Variants in SPIDR observed in about 807,000 individuals in gnomAD.
SPIDR encodes scaffold protein involved in DNA repair, also known as DNA repair-scaffolding protein.
A neutral mutation model predicts 104.6 loss-of-function variants in SPIDR; 93 were observed. The ratio of observed to expected loss-of-function variants is 0.89; its 90% CI spans 0.75 to 1.06. The LOEUF (loss-of-function observed/expected upper bound fraction) is 1.06. Ranked by LOEUF, SPIDR falls within the 50% of genes least tolerant of loss-of-function variation. SPIDR has a pLI of 0.00. For missense variants in SPIDR, 1,154 were observed against 1,111.2 expected, an observed-to-expected ratio of 1.04 and a Z score of -0.55; for synonymous variants, 431 against 416.9, an observed-to-expected ratio of 1.03 and a Z score of -0.41.
chr8:47,407,289 C>G (rs1165398648), intron 6 of SPIDR, among the ~76,000 whole-genome samples: 1 of 152,014 alleles, frequency 6.6e-6, no homozygotes, highest in Non-Finnish European at 1.5e-5. Context: ...GTGATTGATA[C>G]TCAAATATCT....
chr8:47,470,582 G>A (rs962150024), intron 8 of SPIDR, among the ~76,000 whole-genome samples: 1 of 152,072 alleles, frequency 6.6e-6, no homozygotes, highest in Non-Finnish European at 1.5e-5. Context: ...GCCTGACCAT[G>A]AAGTGAGTTT....
chr8:47,379,973 C>T (rs1401811259), intron 5 of SPIDR, among the ~76,000 whole-genome samples: 1 of 152,226 alleles, frequency 6.6e-6, no homozygotes, highest in East Asian at 1.9e-4. Flanking sequence ...GGACTTCTCT[C>T]TCAATTTCTT....
intron 8 of SPIDR, among the ~76,000 whole-genome samples, chr8:47,572,048 A>C (rs1026218409): frequency 2.0e-5 from 3 of 152,188 alleles, no homozygotes; most frequent in African/African-American, 7.2e-5. Flanking sequence ...GTACCAAGTA[A>C]TCTCTTGTAT....
At chr8:47,592,272 A>G (rs895061453) in intron 8 of SPIDR, 1 of 1,200,570 alleles carries the variant, frequency 8.3e-7, no homozygotes, top group Non-Finnish European at 1.2e-6. Flanking sequence ...GCACATAACA[A>G]GGCCTGGGTT....
intron 5 of SPIDR, among the ~76,000 whole-genome samples, chr8:47,321,961 CTTAAATG>C (rs2046702953): frequency 6.6e-6 from 1 of 152,150 alleles, no homozygotes; most frequent in Non-Finnish European, 1.5e-5. Context: ...GGATTAAAGA[CTTAAATG>C]TTAGACCTGA....
intron 11 of SPIDR, among the ~76,000 whole-genome samples, chr8:47,695,290 A>G (rs1290194250): frequency 6.6e-6 from 1 of 152,170 alleles, no homozygotes; most frequent in African/African-American, 2.4e-5. Flanking sequence ...TTGGAGAGGT[A>G]TGAGTCCTAC....
intron 1 of SPIDR, among the ~76,000 whole-genome samples, chr8:47,277,531 A>AT (rs1352583975): frequency 1.2e-3 from 174 of 139,948 alleles, no homozygotes; most frequent in East Asian, 4.2e-3. Context: ...ACCCCTGCTA[A>AT]TTTTTTTTTT....
At chr8:47,281,042 G>A (rs970842317) in intron 2 of SPIDR, among the ~76,000 whole-genome samples, 76 of 152,302 alleles carry the variant, frequency 5.0e-4, no homozygotes, top group African/African-American at 1.6e-3. Context: ...TTGCAATAAA[G>A]TGATCACATG....
intron 5 of SPIDR, among the ~76,000 whole-genome samples, chr8:47,367,743 T>C (rs2057410446): frequency 6.6e-6 from 1 of 152,176 alleles, no homozygotes. Context: ...CCCGCCCAAG[T>C]CTTGCTCAGT....
intron 5 of SPIDR, among the ~76,000 whole-genome samples, chr8:47,313,595 G>A (rs1036569626): frequency 3.9e-5 from 6 of 152,236 alleles, no homozygotes; most frequent in African/African-American, 1.2e-4. Flanking sequence ...AAAAGAGCCC[G>A]CATTGCCGAG....
intron 8 of SPIDR, among the ~76,000 whole-genome samples, chr8:47,537,866 T>C (rs2087209300): frequency 6.6e-6 from 1 of 152,122 alleles, no homozygotes; most frequent in South Asian, 2.1e-4. Context: ...AAAATTAGTA[T>C]ATTAATTTTT....
At chr8:47,558,019 G>A (rs2091523047) in intron 8 of SPIDR, among the ~76,000 whole-genome samples, 1 of 152,144 alleles carries the variant, frequency 6.6e-6, no homozygotes. Flanking sequence ...GGATGCAGCT[G>A]GAGGCCATTA....
At chr8:47,701,680 T>C (rs2080207600) in intron 12 of SPIDR, 41 bp from the exon 13 acceptor site, 1 of 1,594,592 alleles carries the variant, frequency 6.3e-7, no homozygotes, top group African/African-American at 1.4e-5. Context: ...TTGAGTCTTT[T>C]AACAATACAT....
chr8:47,704,253 A>G (rs2080755582), intron 14 of SPIDR, among the ~76,000 whole-genome samples: 1 of 152,244 alleles, frequency 6.6e-6, no homozygotes, highest in Admixed American at 6.5e-5. Context: ...TATTATCAAT[A>G]CTTCACCACC....
intron 11 of SPIDR, among the ~76,000 whole-genome samples, chr8:47,693,356 G>A (rs2078930454): frequency 6.6e-6 from 1 of 152,204 alleles, no homozygotes; most frequent in African/African-American, 2.4e-5. Context: ...TGTATCAGAA[G>A]CCATGGGTTT....
At chr8:47,375,704 G>A (rs1372865262) in intron 5 of SPIDR, among the ~76,000 whole-genome samples, 1 of 152,102 alleles carries the variant, frequency 6.6e-6, no homozygotes, top group African/African-American at 2.4e-5. Context: ...GGGCTCAGGG[G>A]ATCTCCCTGA....
intron 1 of SPIDR, among the ~76,000 whole-genome samples, chr8:47,265,930 A>C (rs1554546315): frequency 6.6e-6 from 1 of 152,078 alleles, no homozygotes; most frequent in African/African-American, 2.4e-5. Flanking sequence ...TTATAAGGGC[A>C]TCAATCCCGT....
chr8:47,552,276 G>A (rs2090628867), intron 8 of SPIDR, among the ~76,000 whole-genome samples: 1 of 152,182 alleles, frequency 6.6e-6, no homozygotes, highest in Non-Finnish European at 1.5e-5. Context: ...TTCTGTAGAT[G>A]TCTATTAGGT....
chr8:47,701,706 G>A lies in SPIDR; in HGVS notation c.1774-15G>A. 6.2e-7 allele frequency: 1 copy of A among 1,611,670 alleles called. No homozygotes were observed. The highest frequency in any genetic ancestry group is 1.1e-5 in the South Asian group (1 of 90,454). On this transcript the variant is annotated splice_polypyrimidine_tract_variant and intron_variant, in intron 12 of 19. Transcript: ENST00000297423. ...AACAATACATTCACCTTCTACCTTT[G>A]TCTCATTTAAACAGATAAAAACTCA...
Sources: allele counts gnomAD v4.1 joint callset (sites outside exome capture counted in the v4.1 genomes callset), GRCh38; gene constraint gnomAD v4.1.1; transcripts MANE v1.5; gene names NCBI Gene and HGNC (gene_info 2026-07-23, HGNC 2026-07-21).